TNC: variants seen among roughly 807,000 people sequenced by gnomAD.
TNC encodes tenascin C.
In TNC, 109 loss-of-function variants were observed where a neutral mutation model predicts 202.4. The ratio of observed to expected loss-of-function variants is 0.54; its 90% confidence interval spans 0.46 to 0.63. The LOEUF (loss-of-function observed/expected upper bound fraction) is 0.63, where lower values mean the gene tolerates loss of function less well. Among genes scored for constraint, TNC ranks in the 30% least tolerant of loss-of-function variants. The pLI is 0.00. For missense variants in TNC, 2,756 were observed against 2,833.3 expected (o/e 0.97, Z 0.62); for synonymous variants, 1,007 against 1,089.7 (o/e 0.92, Z 1.50).
In TNC at chr9:115,035,266, G is replaced by A. The variant is rs1353505496; in HGVS notation, c.5725C>T (p.Pro1909Ser). The change falls in exon 22 of 28, where the codon CCC becomes TCC. Residue 1909 changes from proline to serine, a missense_variant. By Grantham distance (74) the Pro-to-Ser change is moderately conservative. Around this residue, in one of 2 missense-constraint regions of TNC, gnomAD observed 2,559 missense variants for 2,546.0 expected, o/e 1.01. Coordinates refer to ENST00000350763, the MANE Select transcript of TNC (RefSeq NM_002160.4). ...TAACCGGTGACTGATGCCCGGGGGGGTCGCCAGGTAAGGAGGGCAGTTTCC... is the reference window on the plus strand; with the variant it reads ...TAACCGGTGACTGATGCCCGGGGGGATCGCCAGGTAAGGAGGGCAGTTTCC... ...QSETALLTWRPPRASVTGYLL... is the reference protein window; with the variant it reads ...QSETALLTWRSPRASVTGYLL... 2.5e-6 allele frequency: 4 copies of A among 1,613,298 alleles called. No individual in the cohort carries two copies. Among genetic ancestry groups the A allele is most frequent in the East Asian group, 4.5e-5 (2 of 44,802 alleles).
chr9:115,032,554 C>A (rs1283718803), intron 22 of TNC, among the ~76,000 whole-genome samples: 2 of 152,272 alleles, frequency 1.3e-5, no homozygotes, highest in East Asian at 3.9e-4. Context: ...AGCTTTAAAA[C>A]AATATGATGC....
chr9:115,045,960 G>A (rs978076274), intron 17 of TNC, among the ~76,000 whole-genome samples: 5 of 151,800 alleles, frequency 3.3e-5, no homozygotes, highest in Non-Finnish European at 7.4e-5. Flanking sequence ...GGTATAGCTC[G>A]AACATTTGGC....
At chr9:115,028,367 G>A (rs895087503) in intron 25 of TNC, among the ~76,000 whole-genome samples, 4 of 152,096 alleles carry the variant, frequency 2.6e-5, no homozygotes, top group African/African-American at 9.7e-5. Flanking sequence ...CCCACCCGGT[G>A]GCAATTGAGT....
In TNC at chr9:115,020,444, T is replaced by C. The variant is rs555356411; in HGVS notation, c.*713A>G. 5.2e-6 allele frequency: 1 copy of C among 190,782 alleles called. No homozygotes were observed. The highest frequency in any genetic ancestry group is 9.6e-5 in the South Asian group (1 of 10,366). The allele number at this position is 190,782 out of a possible 1,614,324, so 11.8% of individuals were successfully genotyped here. A position where few individuals can be genotyped will look rare whatever the true frequency, so the allele number is the denominator to read the frequency against. Reference sequence around the variant, plus strand: ...CCTCCCACTTGACCACTATCCCTACTTACCTTTCCTATCCCAACATTCCCC... The same window carrying C: ...CCTCCCACTTGACCACTATCCCTACCTACCTTTCCTATCCCAACATTCCCC... On this transcript the variant is annotated 3_prime_UTR_variant, in exon 28 of 28. Transcript: ENST00000350763.
At chr9:115,027,568 C>T (rs541262261) in intron 25 of TNC, among the ~76,000 whole-genome samples, 13 of 152,004 alleles carry the variant, frequency 8.6e-5, no homozygotes, top group South Asian at 2.1e-4. Flanking sequence ...CCAGCCTCGG[C>T]GACAGAGTGA....
intron 26 of TNC, 139 bp from the exon 27 acceptor site, chr9:115,024,275 T>C: frequency 1.2e-6 from 1 of 816,328 alleles, no homozygotes. Context: ...AGAGTCAGCA[T>C]TGAATGCGGA....
intron 1 of TNC, among the ~76,000 whole-genome samples, chr9:115,104,055 CT>C (rs1197313243): frequency 1.3e-5 from 2 of 152,200 alleles, no homozygotes; most frequent in Non-Finnish European, 2.9e-5. Context: ...TGCTTTCTCT[CT>C]TCTATTTCTT....
chr9:115,034,662 A>G (rs891079374), intron 22 of TNC, among the ~76,000 whole-genome samples: 21 of 152,234 alleles, frequency 1.4e-4, no homozygotes, highest in Non-Finnish European at 2.9e-5. Flanking sequence ...GAAAAATTCA[A>G]TAACAAGTTT....
intron 6 of TNC, among the ~76,000 whole-genome samples, chr9:115,078,983 G>A (rs905251167): frequency 1.5e-4 from 23 of 152,200 alleles, no homozygotes; most frequent in Non-Finnish European, 1.5e-5. Context: ...CTAATGAGAA[G>A]CCTTTTTTTA....
chr9:115,051,749 A>G (rs1199439250), intron 15 of TNC, among the ~76,000 whole-genome samples: 1 of 152,010 alleles, frequency 6.6e-6, no homozygotes, highest in Non-Finnish European at 1.5e-5. Flanking sequence ...TTTCGATCTT[A>G]GGCCTTTACT....
chr9:115,027,973 T>G (rs1829642641), intron 25 of TNC, among the ~76,000 whole-genome samples: 1 of 152,148 alleles, frequency 6.6e-6, no homozygotes, highest in African/African-American at 2.4e-5. Context: ...GATTTAAAGG[T>G]AATTAGGCTT....
At chr9:115,022,439 G>C (rs1829144417) in intron 27 of TNC, among the ~76,000 whole-genome samples, 1 of 152,210 alleles carries the variant, frequency 6.6e-6, no homozygotes, top group Non-Finnish European at 1.5e-5. Flanking sequence ...CTTTGCAGAG[G>C]CCACACAGCA....
intron 18 of TNC, among the ~76,000 whole-genome samples, chr9:115,041,824 A>G (rs1830780003): frequency 6.6e-6 from 1 of 152,200 alleles, no homozygotes; most frequent in South Asian, 2.1e-4. Flanking sequence ...GCTTGCCATC[A>G]TTTGCTGAGA....
At chr9:115,077,828 C>T in intron 7 of TNC, 115 bp downstream of exon 7, 1 of 1,072,196 alleles carries the variant, frequency 9.3e-7, no homozygotes, top group East Asian at 2.4e-5. Flanking sequence ...AGTAGAAATA[C>T]CCCTTTCATT....
intron 22 of TNC, among the ~76,000 whole-genome samples, chr9:115,033,570 C>T (rs1274135267): frequency 6.6e-6 from 1 of 152,128 alleles, no homozygotes; most frequent in Non-Finnish European, 1.5e-5. Flanking sequence ...AACACTGACA[C>T]CCAGAGAAGA....
intron 2 of TNC, among the ~76,000 whole-genome samples, chr9:115,088,868 G>T (rs1834999000): frequency 6.6e-6 from 1 of 152,054 alleles, no homozygotes; most frequent in Non-Finnish European, 1.5e-5. Flanking sequence ...AATAGACTGA[G>T]AAGTATCCAT....
chr9:115,040,710 A>C (rs1296420751), intron 19 of TNC, among the ~76,000 whole-genome samples: 2 of 152,184 alleles, frequency 1.3e-5, no homozygotes, highest in Non-Finnish European at 2.9e-5. Flanking sequence ...ATGGAGGCCC[A>C]ACAAGGTTAA....
chr9:115,096,293 C>T (rs1340652235), intron 1 of TNC, among the ~76,000 whole-genome samples: 2 of 152,130 alleles, frequency 1.3e-5, no homozygotes, highest in Non-Finnish European at 2.9e-5. Flanking sequence ...TGCTCTGTCC[C>T]ATATTCCGCA....
Position 115,078,106 on chromosome 9 carries a change from G to A in TNC, c.2511C>T (p.Tyr837=), listed in dbSNP as rs146641282. The change falls in exon 7 of 28, where the codon TAC becomes TAT. Residue 837 remains tyrosine, a synonymous_variant. Coordinates refer to ENST00000350763, the MANE Select transcript of TNC (RefSeq NM_002160.4). The part of the protein sequence containing the change: ...LAEIDGIELT[Y]GIKDVPGDRT... ...GGTCTCCTGGCACGTCTTTGATGCC[G>A]TAGGTCAGCTCAATGCCATCGATCT... 111 of 1,614,200 alleles carry A rather than the reference G, an allele frequency of 6.9e-5. No individual in the cohort carries two copies. The highest frequency in any genetic ancestry group is 4.9e-4 in the Middle Eastern group (3 of 6,062).
Sources: allele counts gnomAD v4.1 joint callset (sites outside exome capture counted in the v4.1 genomes callset), GRCh38; gene constraint gnomAD v4.1.1; regional missense constraint gnomAD v4.1.1; transcripts MANE v1.5; gene names NCBI Gene and HGNC (gene_info 2026-07-23, HGNC 2026-07-21).